The following HYCC1 variants were observed in gnomAD, a reference collection of about 807,000 sequenced individuals.
HYCC1 encodes hyccin.
chr7:22,913,111 C>T, the HYCC1 span, among the ~76,000 whole-genome samples: 801 of 143,730 alleles, frequency 5.6e-3, 6 homozygotes, highest in Admixed American at 0.013. Flanking sequence ...GCAACAAGAG[C>T]GAAACTCCAT....
the HYCC1 span, among the ~76,000 whole-genome samples, chr7:22,920,400 T>C: frequency 6.6e-6 from 1 of 151,962 alleles, no homozygotes; most frequent in Non-Finnish European, 1.5e-5. Flanking sequence ...AAGAAAAACA[T>C]CTTATCACAT....
the HYCC1 span, among the ~76,000 whole-genome samples, chr7:22,999,418 A>T: frequency 6.6e-6 from 1 of 152,234 alleles, no homozygotes; most frequent in Non-Finnish European, 1.5e-5. Flanking sequence ...GTTTATGTTA[A>T]CAGATTTTAA....
At chr7:22,932,916 TAAC>T in the HYCC1 span, among the ~76,000 whole-genome samples, 1 of 152,142 alleles carries the variant, frequency 6.6e-6, no homozygotes, top group Non-Finnish European at 1.5e-5. Context: ...CTAAATCCAA[TAAC>T]TGGTGTTCTT....
chr7:22,917,815 G>A, the HYCC1 span, among the ~76,000 whole-genome samples: 1 of 152,182 alleles, frequency 6.6e-6, no homozygotes, highest in East Asian at 1.9e-4. Context: ...TCAGTGGCAA[G>A]GTACAATCCA....
At chr7:22,986,630 G>A in the HYCC1 span, among the ~76,000 whole-genome samples, 2 of 152,108 alleles carry the variant, frequency 1.3e-5, no homozygotes, top group East Asian at 1.9e-4. Context: ...GGTGGATCAC[G>A]AGGTCAGGAG....
At chr7:22,990,368 T>C in the HYCC1 span, among the ~76,000 whole-genome samples, 2 of 152,222 alleles carry the variant, frequency 1.3e-5, no homozygotes, top group Admixed American at 1.3e-4. Context: ...AGCCTGACTT[T>C]GTCAGACTGT....
chr7:23,011,780 T>A, the HYCC1 span, among the ~76,000 whole-genome samples: 2 of 152,186 alleles, frequency 1.3e-5, no homozygotes, highest in African/African-American at 4.8e-5. Flanking sequence ...CCACAGTTTC[T>A]CAGGCCTCCT....
chr7:22,950,448 T>C, the HYCC1 span, among the ~76,000 whole-genome samples: 1 of 152,036 alleles, frequency 6.6e-6, no homozygotes, highest in Non-Finnish European at 1.5e-5. Context: ...AATACATCTT[T>C]TTTTGATGAA....
chr7:22,950,950 C>T, the HYCC1 span, among the ~76,000 whole-genome samples: 2 of 150,794 alleles, frequency 1.3e-5, no homozygotes, highest in African/African-American at 4.9e-5. Context: ...CAAAAAAGAT[C>T]CAAAAAGAAA....
the HYCC1 span, among the ~76,000 whole-genome samples, chr7:22,948,165 C>G: frequency 2.7e-4 from 41 of 152,036 alleles, no homozygotes; most frequent in African/African-American, 9.2e-4. Flanking sequence ...ATAAATATAC[C>G]TAGAAGGTGA....
chr7:22,991,252 TC>T, the HYCC1 span: 1 of 664,494 alleles, frequency 1.5e-6, no homozygotes, highest in Non-Finnish European at 2.5e-6. Context: ...GAAATGAGTT[TC>T]AAACATAAAT....
At chr7:22,958,006 T>C in the HYCC1 span, among the ~76,000 whole-genome samples, 1 of 151,588 alleles carries the variant, frequency 6.6e-6, no homozygotes, top group East Asian at 1.9e-4. Context: ...TTGAGAAATT[T>C]GTAATTTATA....
the HYCC1 span, chr7:22,942,765 A>G: frequency 1.3e-5 from 2 of 152,126 alleles, no homozygotes; most frequent in Non-Finnish European, 2.9e-5. Flanking sequence ...AGCTACCCCA[A>G]TTTTCAAATT....
the HYCC1 span, among the ~76,000 whole-genome samples, chr7:22,924,362 T>C: frequency 6.6e-6 from 1 of 151,956 alleles, no homozygotes; most frequent in Admixed American, 6.5e-5. Context: ...GCGCACTGTG[T>C]GTGAGCCGAA....
the HYCC1 span, chr7:22,946,042 A>G: frequency 6.2e-7 from 1 of 1,613,602 alleles, no homozygotes; most frequent in Non-Finnish European, 8.5e-7. Context: ...GCTTGTTACT[A>G]CAATTGTGAC....
the HYCC1 span, chr7:22,940,321 G>A: frequency 9.1e-5 from 12 of 132,568 alleles, no homozygotes; most frequent in Middle Eastern, 9.9e-3. Flanking sequence ...GCATGATCTC[G>A]GCTCACTGCA....
chr7:22,902,489 C>A, the HYCC1 span, among the ~76,000 whole-genome samples: 1 of 151,808 alleles, frequency 6.6e-6, no homozygotes, highest in Non-Finnish European at 1.5e-5. Flanking sequence ...ATATTACCAA[C>A]AAAGAATTAT....
the HYCC1 span, chr7:22,943,556 T>C: frequency 6.6e-6 from 1 of 152,244 alleles, no homozygotes; most frequent in Admixed American, 6.6e-5. Flanking sequence ...GAAAATCTGA[T>C]CTCTCAGCTC....
chr7:22,996,198 T>C, the HYCC1 span, among the ~76,000 whole-genome samples: 8 of 147,778 alleles, frequency 5.4e-5, no homozygotes, highest in Non-Finnish European at 1.0e-4. Context: ...GAGGCTGAGA[T>C]AGAAGAATCA....
Sources: gnomAD v4.1 joint callset for allele counts (sites outside exome capture counted in the v4.1 genomes callset) on GRCh38, gnomAD v4.1.1 for gene constraint, MANE v1.5 for transcripts, NCBI Gene and HGNC (gene_info 2026-07-23, HGNC 2026-07-21) for gene names.